NEURL1: variants seen among roughly 807,000 people sequenced by gnomAD.
NEURL1 encodes the protein neuralized E3 ubiquitin protein ligase 1, also known as E3 ubiquitin-protein ligase NEURL1.
A neutral mutation model predicts 41.2 loss-of-function variants in NEURL1; 26 were observed. The observed-to-expected ratio is 0.63, with a 90% CI of 0.46 to 0.87. The LOEUF is 0.87. NEURL1 is among the 40% of genes least tolerant of loss of function. The probability of loss-of-function intolerance (pLI) is 0.00; values close to 1 mark genes in which losing one functional copy is unlikely to be tolerated. For missense variants in NEURL1, 761 were observed against 871.1 expected (o/e 0.87, Z 1.59); for synonymous variants, 400 against 402.3 (o/e 0.99, Z 0.07).
At chr10:103,571,915 G>C in intron 3 of NEURL1, 93 bp downstream of exon 3, 2 of 1,263,422 alleles carry the variant, frequency 1.6e-6, no homozygotes, top group African/African-American at 3.0e-5. Flanking sequence ...ATCAGGCGTA[G>C]GGACCCCTCT....
At chr10:103,500,668 C>T (rs1040068982) in intron 1 of NEURL1, among the ~76,000 whole-genome samples, 3 of 152,264 alleles carry the variant, frequency 2.0e-5, no homozygotes, top group Non-Finnish European at 4.4e-5. Context: ...CCTCCTCCCC[C>T]TTACGCTTTC....
At chr10:103,553,294 C>T (rs1476909447) in intron 1 of NEURL1, among the ~76,000 whole-genome samples, 2 of 152,142 alleles carry the variant, frequency 1.3e-5, no homozygotes, top group South Asian at 4.1e-4. Context: ...CTCGTGTTTG[C>T]TGTTATTATG....
chr10:103,589,621 A>G lies in NEURL1; in HGVS notation c.1447A>G (p.Ser483Gly), dbSNP rs1283060396. 6.2e-7 allele frequency: 1 copy of G among 1,613,564 alleles called. No homozygotes were observed. Among genetic ancestry groups the G allele is most frequent in the South Asian group, 1.1e-5 (1 of 90,940 alleles). ...CAGCCGCCTGTCTGACCCCTTGCTC[A>G]GCACGTGCAGCTCTGGCCCTCTGGG... Reference protein sequence around the residue: ...LGSRLSDPLLSTCSSGPLGSS... With the variant: ...LGSRLSDPLLGTCSSGPLGSS... Residue 483 changes from serine to glycine, a missense_variant, in exon 5 of 6, where the codon AGC becomes GGC. Transcript: ENST00000369780.
chr10:103,504,419 T>A (rs1229355425), intron 1 of NEURL1, among the ~76,000 whole-genome samples: 6 of 152,168 alleles, frequency 3.9e-5, no homozygotes, highest in Admixed American at 2.6e-4. Flanking sequence ...TCTATTGGGA[T>A]TTTTGTGGTG....
In NEURL1 at chr10:103,558,503, CTG is replaced by C. The variant is rs3068767; in HGVS notation, c.86-12325_86-12324del. On this transcript the variant is annotated intron_variant, in intron 1 of 5. Transcript: ENST00000369780. The surrounding 1 kb of genome is among the most constrained non-coding windows in gnomAD (Gnocchi z 4.2). ...GTGGTACTCTGTGCCTGTGCCATGC[CTG>C]TGTGTGTGTGTGTGTGTGTGTGTGT... Among the ~76,000 whole-genome samples, 48,366 of 131,472 alleles carry C rather than the reference CTG, an allele frequency of 0.37. 8,525 individuals are homozygous for C. Among genetic ancestry groups the C allele is most frequent in the South Asian group, 0.5 (1,726 of 3,440 alleles). The allele number at this position is 131,472 out of a possible 152,430, so 86.3% of individuals were successfully genotyped here.
intron 1 of NEURL1, among the ~76,000 whole-genome samples, chr10:103,532,159 T>G (rs1178865389): frequency 6.6e-6 from 1 of 152,240 alleles, no homozygotes; most frequent in African/African-American, 2.4e-5. Context: ...GTATGTCTTT[T>G]AAATGGAGGA....
chr10:103,555,310 A>AGCCG, intron 1 of NEURL1: 2 of 1,266,026 alleles, frequency 1.6e-6, no homozygotes, highest in Non-Finnish European at 2.1e-6. Flanking sequence ...GGAGGGGAGC[A>AGCCG]GCCGGCCGGG....
At chr10:103,557,598 G>A (rs910074364) in intron 1 of NEURL1, among the ~76,000 whole-genome samples, 1 of 152,222 alleles carries the variant, frequency 6.6e-6, no homozygotes, top group African/African-American at 2.4e-5. Context: ...GAGGGGACAG[G>A]AGTTGGAAGG....
chr10:103,548,259 G>C (rs1185952687), intron 1 of NEURL1, among the ~76,000 whole-genome samples: 1 of 152,226 alleles, frequency 6.6e-6, no homozygotes, highest in African/African-American at 2.4e-5. Flanking sequence ...TGCAGAGTAA[G>C]CGGGTACCGA....
intron 1 of NEURL1, among the ~76,000 whole-genome samples, chr10:103,514,000 C>T (rs574578016): frequency 5.9e-5 from 9 of 152,222 alleles, no homozygotes; most frequent in South Asian, 4.1e-4. Flanking sequence ...CCTTGGTTTC[C>T]CCCATCTGTC....
chr10:103,544,451 C>G (rs182696142), intron 1 of NEURL1, among the ~76,000 whole-genome samples: 48 of 152,256 alleles, frequency 3.2e-4, no homozygotes, highest in Non-Finnish European at 6.5e-4. Context: ...TTGCCTCCCC[C>G]CAAATGATCC....
At chr10:103,531,219 C>CA (rs200675430) in intron 1 of NEURL1, among the ~76,000 whole-genome samples, 3,101 of 146,178 alleles carry the variant, frequency 0.021, 35 homozygotes, top group African/African-American at 0.035. Flanking sequence ...GACCCTGTCT[C>CA]AAAAAAAAAA....
In NEURL1 at chr10:103,585,014, C is replaced by T; in HGVS notation, c.1128C>T (p.Ala376=). ...RPADLPFSPE[A]LVDRKEFWAV... is the part of the protein sequence containing the mutation. ...CCGACCTGCCTTTCAGCCCTGAGGC[C>T]CTGGTGGACCGCAAGGAATTCTGGG... Residue 376 remains alanine, a synonymous_variant, in exon 4 of 6, where the codon GCC becomes GCT. Transcript: ENST00000369780. 1.9e-6 allele frequency: 3 copies of T among 1,580,234 alleles called. No individual in the cohort carries two copies. Among genetic ancestry groups the T allele is most frequent in the Non-Finnish European group, 8.5e-7 (1 of 1,171,534 alleles).
intron 1 of NEURL1, 31 bp downstream of exon 1, chr10:103,494,503 A>G: frequency 6.6e-7 from 1 of 1,514,852 alleles, no homozygotes; most frequent in African/African-American, 1.4e-5. Flanking sequence ...CTGCTGGAGG[A>G]CTGGGGCGCA....
chr10:103,533,181 C>T (rs1457048478), intron 1 of NEURL1, among the ~76,000 whole-genome samples: 2 of 151,886 alleles, frequency 1.3e-5, no homozygotes, highest in African/African-American at 4.8e-5. Flanking sequence ...CCCGCCTTGG[C>T]CTCTCAAGGT....
intron 1 of NEURL1, among the ~76,000 whole-genome samples, chr10:103,501,489 A>G (rs1477958296): frequency 1.3e-5 from 2 of 150,894 alleles, no homozygotes; most frequent in Non-Finnish European, 3.0e-5. Flanking sequence ...CATAGGCAGG[A>G]AAAAAAAACA....
Position 103,585,973 on chromosome 10 carries a change from A to G in NEURL1, c.1339+748A>G, listed in dbSNP as rs553482044. ...GAGAAAAAAAGGTTGGAATGTCAGT[A>G]GTCAGGTGGTGCAGGGTGGTGTCTG... On this transcript the variant is annotated intron_variant, in intron 4 of 5. Coordinates refer to ENST00000369780, the MANE Select transcript of NEURL1 (RefSeq NM_004210.5). Among the ~76,000 whole-genome samples the G allele has an allele frequency of 3.9e-5, 6 of 152,126 alleles. 1 individual carries two copies. The South Asian group carries it at 1.2e-3, about 32-fold the overall frequency.
chr10:103,584,718 C>T lies in NEURL1; in HGVS notation c.832C>T (p.Leu278Phe). The part of the protein sequence containing the change: ...AAGCPIPQNS[L>F]NSQHSRALPA... ...CGGCTGCCCCATCCCGCAGAACTCA[C>T]TCAACTCGCAGCACAGCCGCGCGCT... The change falls in exon 4 of 6, where the codon CTC becomes TTC. Residue 278 changes from leucine to phenylalanine, a missense_variant. Physicochemically the swap from Leu to Phe is conservative, Grantham distance 22. This residue lies in a region of NEURL1 where 443 missense variants were observed against 408.1 expected (regional missense o/e 1.09). Transcript: ENST00000369780. 6.8e-7 allele frequency: 1 copy of T among 1,469,164 alleles called. No homozygotes were observed. The highest frequency in any genetic ancestry group is 9.0e-7 in the Non-Finnish European group (1 of 1,116,266). The allele number at this position is 1,469,164 out of a possible 1,614,324, so 91.0% of individuals were successfully genotyped here. A position where few individuals can be genotyped will look rare whatever the true frequency, so the allele number is the denominator to read the frequency against.
At chr10:103,496,068 C>G (rs1212504526) in intron 1 of NEURL1, among the ~76,000 whole-genome samples, 1 of 151,884 alleles carries the variant, frequency 6.6e-6, no homozygotes, top group Non-Finnish European at 1.5e-5. Flanking sequence ...TGAGATCGTT[C>G]CACTGCACTC....
Sources: allele counts gnomAD v4.1 joint callset (sites outside exome capture counted in the v4.1 genomes callset), GRCh38; gene constraint gnomAD v4.1.1; regional missense constraint gnomAD v4.1.1; non-coding constraint Gnocchi (gnomAD v3.1); transcripts MANE v1.5; gene names NCBI Gene and HGNC (gene_info 2026-07-23, HGNC 2026-07-21).